Variants in SNX18 observed in about 807,000 individuals in gnomAD.
SNX18 encodes sorting nexin-18.
Under a neutral mutation model 48.7 loss-of-function variants are expected in SNX18, and 35 were observed. The observed-to-expected ratio is 0.72, with a 90% CI of 0.55 to 0.95. SNX18 has a LOEUF of 0.95. Among genes scored for constraint, SNX18 ranks in the 40% least tolerant of loss-of-function variants. The pLI is 0.00. For missense variants in SNX18, 824 were observed against 871.0 expected (o/e 0.95, Z 0.68); for synonymous variants, 492 against 384.7 (o/e 1.28, Z -3.26).
At chr5:54,631,863 A>T in the SNX18 span, among the ~76,000 whole-genome samples, 8,026 of 152,312 alleles carry the variant, frequency 0.053, 288 homozygotes, top group Non-Finnish European at 0.082. Flanking sequence ...CACTTTAACC[A>T]TTCCTTGTCA....
Position 54,543,997 on chromosome 5 carries a change from G to T in SNX18, c.*565G>T, listed in dbSNP as rs1322206370. On this transcript the variant is annotated 3_prime_UTR_variant, in exon 2 of 2. Coordinates refer to ENST00000381410, the MANE Select transcript of SNX18 (RefSeq NM_001102575.2). The stretch of plus-strand genomic sequence containing the variant: ...AGAGTGAAAGGCCAGTGCATATAAT[G>T]ACAAACTGATGATAACCTTATATTG... The T allele has an allele frequency of 8.5e-6, 1 of 117,698 alleles. No homozygotes were observed. The highest frequency in any genetic ancestry group is 3.2e-5 in the African/African-American group (1 of 31,288). 7.3% of individuals were successfully genotyped at this position (117,698 alleles called of 1,614,324 possible).
At chr5:54,624,656 G>T in the SNX18 span, among the ~76,000 whole-genome samples, 1 of 152,178 alleles carries the variant, frequency 6.6e-6, no homozygotes, top group African/African-American at 2.4e-5. Flanking sequence ...GTGGCAAAAG[G>T]TTCATGGATA....
chr5:54,629,221 A>C, the SNX18 span, among the ~76,000 whole-genome samples: 1 of 152,210 alleles, frequency 6.6e-6, no homozygotes, highest in Admixed American at 6.5e-5. Context: ...TCAGTGTCCC[A>C]GTCAATCAGG....
At chr5:54,623,563 G>A in the SNX18 span, among the ~76,000 whole-genome samples, 1 of 151,904 alleles carries the variant, frequency 6.6e-6, no homozygotes, top group Admixed American at 6.6e-5. Context: ...GAACTAACAG[G>A]TACCACATTA....
the SNX18 span, among the ~76,000 whole-genome samples, chr5:54,641,800 T>G: frequency 6.6e-6 from 1 of 152,218 alleles, no homozygotes; most frequent in African/African-American, 2.4e-5. Context: ...TGTGTGTATG[T>G]ATGCGTGTGC....
chr5:54,573,211 T>C, the SNX18 span, among the ~76,000 whole-genome samples: 1 of 152,138 alleles, frequency 6.6e-6, no homozygotes, highest in Non-Finnish European at 1.5e-5. Context: ...CATCTTCCCA[T>C]ATATACAAGC....
At chr5:54,641,840 C>T in the SNX18 span, among the ~76,000 whole-genome samples, 1 of 152,124 alleles carries the variant, frequency 6.6e-6, no homozygotes, top group Non-Finnish European at 1.5e-5. Flanking sequence ...GCAGCATTGC[C>T]TATCACCTCC....
downstream of SNX18, among the ~76,000 whole-genome samples, chr5:54,550,436 A>AT (rs1177875237): frequency 6.6e-6 from 1 of 151,526 alleles, no homozygotes; most frequent in Non-Finnish European, 1.5e-5. Flanking sequence ...GGTATCTATC[A>AT]TTTTTAAAAA....
At chr5:54,645,637 T>G in the SNX18 span, 2 of 152,244 alleles carry the variant, frequency 1.3e-5, no homozygotes, top group African/African-American at 2.4e-5. Flanking sequence ...ACAACACGAA[T>G]GTCTTCATCC....
At position 54,519,035 on chromosome 5, in the gene SNX18, C is replaced by A; in HGVS notation, c.1083C>A (p.Asn361Lys). The A allele has an allele frequency of 6.2e-7, 1 of 1,613,320 alleles. No homozygotes were observed. Among genetic ancestry groups the A allele is most frequent in the Non-Finnish European group, 8.5e-7 (1 of 1,179,608 alleles). ...GGAAGGGCCTGATCTGGTGGATGAACCACATGGCCAGCCACCCAGTGCTGG... is the reference window on the plus strand; with the variant it reads ...GGAAGGGCCTGATCTGGTGGATGAAACACATGGCCAGCCACCCAGTGCTGG... ...KRRKGLIWWM[N>K]HMASHPVLAQ... Residue 361 changes from asparagine to lysine, a missense_variant, in exon 1 of 2, where the codon AAC becomes AAA. Around this residue, in one of 3 missense-constraint regions of SNX18, gnomAD observed 443 missense variants for 503.6 expected, o/e 0.88. Transcript: ENST00000381410.
chr5:54,576,098 G>A, the SNX18 span, among the ~76,000 whole-genome samples: 5 of 152,114 alleles, frequency 3.3e-5, no homozygotes, highest in South Asian at 8.3e-4. Flanking sequence ...TCCCACAGGG[G>A]TAGAGGAGAG....
At chr5:54,589,925 G>T in the SNX18 span, among the ~76,000 whole-genome samples, 1 of 152,196 alleles carries the variant, frequency 6.6e-6, no homozygotes, top group Non-Finnish European at 1.5e-5. Flanking sequence ...GAGTAGCTGG[G>T]ACTACAGGCA....
chr5:54,534,750 AG>A (rs1475299651), intron 1 of SNX18, among the ~76,000 whole-genome samples: 1 of 151,994 alleles, frequency 6.6e-6, no homozygotes, highest in Non-Finnish European at 1.5e-5. Context: ...CCTGCAAATG[AG>A]AAGCAGAGGA....
the SNX18 span, among the ~76,000 whole-genome samples, chr5:54,565,651 G>T: frequency 6.6e-6 from 1 of 151,936 alleles, no homozygotes; most frequent in Admixed American, 6.6e-5. Flanking sequence ...TTTTTAAAAA[G>T]AATATCATTT....
In SNX18 at chr5:54,518,164, G is replaced by A. The variant is rs1474036120; in HGVS notation, c.212G>A (p.Gly71Asp). Reference sequence around the variant, plus strand: ...GAGCCTGGCCCGGCGGGAGACGGCGGCCCGGGCGCCCCGGCCCGCTACGCC... The same window carrying A: ...GAGCCTGGCCCGGCGGGAGACGGCGACCCGGGCGCCCCGGCCCGCTACGCC... ...APEPGPAGDG[G>D]PGAPARYANV... Residue 71 changes from glycine (G) to aspartate (D), a missense_variant, in exon 1 of 2, where the codon GGC becomes GAC. This residue lies in a region of SNX18 where 377 missense variants were observed against 350.6 expected (regional missense o/e 1.08). Transcript: ENST00000381410. 1 of 1,387,600 alleles carries A rather than the reference G, an allele frequency of 7.2e-7. No individual in the cohort carries two copies. The highest frequency in any genetic ancestry group is 1.6e-5 in the South Asian group (1 of 61,580). The allele number at this position is 1,387,600 out of a possible 1,614,324, so 86.0% of individuals were successfully genotyped here.
chr5:54,544,358 TTTTTG>T lies in SNX18; in HGVS notation c.*931_*935del, dbSNP rs1436129144. ...GGCTTTAGTTCTTAGGAGGGTTTTG[TTTTTG>T]TTTTTGTTTTTAGGTTGAAGATTTT... On this transcript the variant is annotated 3_prime_UTR_variant, in exon 2 of 2. Coordinates refer to ENST00000381410, the MANE Select transcript of SNX18 (RefSeq NM_001102575.2). 1.3e-5 allele frequency: 2 copies of T among 151,526 alleles called. No individual in the cohort carries two copies. The highest frequency in any genetic ancestry group is 2.9e-5 in the Non-Finnish European group (2 of 67,940). 9.4% of individuals were successfully genotyped at this position (151,526 alleles called of 1,614,324 possible).
At chr5:54,570,382 G>T in the SNX18 span, among the ~76,000 whole-genome samples, 1 of 152,164 alleles carries the variant, frequency 6.6e-6, no homozygotes, top group African/African-American at 2.4e-5. Context: ...GTTTTCAGCT[G>T]CCTTAAGTTT....
chr5:54,610,927 A>G, the SNX18 span, among the ~76,000 whole-genome samples: 1 of 152,228 alleles, frequency 6.6e-6, no homozygotes, highest in South Asian at 2.1e-4. Context: ...CTGATTCTTT[A>G]GGAAAATACA....
At chr5:54,579,551 A>G in the SNX18 span, among the ~76,000 whole-genome samples, 1 of 152,208 alleles carries the variant, frequency 6.6e-6, no homozygotes, top group Admixed American at 6.5e-5. Flanking sequence ...TTACAGAGTC[A>G]CTGGTTCACT....
Sources: allele counts gnomAD v4.1 joint callset (sites outside exome capture counted in the v4.1 genomes callset), GRCh38; gene constraint gnomAD v4.1.1; regional missense constraint gnomAD v4.1.1; transcripts MANE v1.5; gene names NCBI Gene and HGNC (gene_info 2026-07-23, HGNC 2026-07-21).